USH2A: variants seen among roughly 807,000 people sequenced by gnomAD.
USH2A encodes Usher syndrome 2A (autosomal recessive, mild).
A neutral mutation model predicts 538.9 loss-of-function variants in USH2A; 443 were observed. That is an observed-to-expected ratio of 0.82 (90% CI 0.76 to 0.89). The LOEUF is 0.89. Ranked by LOEUF, USH2A falls within the 40% of genes least tolerant of loss-of-function variation. USH2A has a pLI of 0.00. For synonymous variants in USH2A, 2,413 were observed against 2,273.5 expected (o/e 1.06, Z -1.75); for missense variants, 6,633 against 6,324.8 (o/e 1.05, Z -1.65).
intron 43 of USH2A, among the ~76,000 whole-genome samples, chr1:215,869,067 AAT>A (rs1440522035): frequency 1.3e-5 from 2 of 152,236 alleles, no homozygotes; most frequent in African/African-American, 4.8e-5. Flanking sequence ...AAAAAATAAT[AAT>A]AGTTACTTAA....
At chr1:215,875,162 G>A (rs189027857) in intron 43 of USH2A, among the ~76,000 whole-genome samples, 9 of 152,216 alleles carry the variant, frequency 5.9e-5, no homozygotes, top group African/African-American at 9.6e-5. Flanking sequence ...TCTCATATTT[G>A]CAAGACACTC....
chr1:215,974,303 C>T (rs1045501983), intron 35 of USH2A, among the ~76,000 whole-genome samples: 11 of 151,970 alleles, frequency 7.2e-5, no homozygotes, highest in Admixed American at 5.9e-4. Context: ...TAAGAAGATG[C>T]TTTTTTCTTT....
At chr1:216,073,382 A>C in intron 27 of USH2A, 82 bp from the exon 28 acceptor site, 1 of 1,445,474 alleles carries the variant, frequency 6.9e-7, no homozygotes, top group South Asian at 1.2e-5. Flanking sequence ...GCAGCACTAC[A>C]TTTTGAGGAA....
Position 215,741,459 on chromosome 1 carries a change from T to C in USH2A, c.11627A>G (p.Lys3876Arg). 3 of 1,614,070 alleles carry C rather than the reference T, an allele frequency of 1.9e-6. No individual in the cohort carries two copies. The highest frequency in any genetic ancestry group is 2.5e-6 in the Non-Finnish European group (3 of 1,180,012). ...CTCTATGCAAGCTGACCCCAGTGCC[T>C]TAAGAACAGGAGAATTAAGATCCAT... is the stretch of plus-strand genomic sequence containing the variant. ...APMDLNSPVL[K>R]ALGSACIEIK... The change falls in exon 60 of 72, where the codon AAG becomes AGG. Residue 3876 changes from lysine to arginine, a missense_variant. Physicochemically the swap from Lys to Arg is conservative, Grantham distance 26. Transcript: ENST00000307340.
chr1:216,194,630 A>C (rs547405279), intron 19 of USH2A, among the ~76,000 whole-genome samples: 33 of 152,252 alleles, frequency 2.2e-4, no homozygotes, highest in Non-Finnish European at 3.4e-4. Context: ...ATATCAGTGA[A>C]GTTTTTAGGA....
intron 52 of USH2A, among the ~76,000 whole-genome samples, chr1:215,783,144 C>T (rs1311760377): frequency 6.6e-6 from 1 of 151,802 alleles, no homozygotes; most frequent in African/African-American, 2.4e-5. Flanking sequence ...CGGAATTGCA[C>T]AGAATAGAAT....
intron 58 of USH2A, 82 bp downstream of exon 58, chr1:215,758,497 TCTTTCTGATTTACTAA>T (rs1660878577): frequency 1.4e-6 from 2 of 1,447,382 alleles, no homozygotes; most frequent in Non-Finnish European, 9.5e-7. Context: ...ACCGACTATG[TCTTTCTGATTTACTAA>T]ATTAACAGTT....
At chr1:216,100,330 A>G (rs2032547550) in intron 21 of USH2A, among the ~76,000 whole-genome samples, 1 of 152,186 alleles carries the variant, frequency 6.6e-6, no homozygotes, top group Admixed American at 6.5e-5. Context: ...TTATCAGGGT[A>G]GACCAGGGAG....
intron 11 of USH2A, 142 bp downstream of exon 11, chr1:216,289,138 G>C (rs769548454): frequency 1.6e-6 from 2 of 1,273,180 alleles, no homozygotes; most frequent in Non-Finnish European, 2.2e-6. Context: ...AGTTGCACAC[G>C]AACAACCATC....
chr1:216,311,873 C>G (rs2037426293), intron 9 of USH2A, among the ~76,000 whole-genome samples: 2 of 152,094 alleles, frequency 1.3e-5, no homozygotes, highest in South Asian at 4.2e-4. Context: ...ATTCATTTCA[C>G]TTACACACAT....
chr1:216,043,207 T>C (rs2030364766), intron 32 of USH2A, among the ~76,000 whole-genome samples: 1 of 152,084 alleles, frequency 6.6e-6, no homozygotes, highest in African/African-American at 2.4e-5. Context: ...AATTAGTTCC[T>C]CTGATTACTG....
intron 32 of USH2A, among the ~76,000 whole-genome samples, chr1:216,011,807 A>C (rs376528568): frequency 6.6e-6 from 1 of 151,952 alleles, no homozygotes; most frequent in African/African-American, 2.4e-5. Context: ...CTCTTTGTTA[A>C]GTCCCACAAT....
At chr1:216,021,808 C>T (rs763848115) in intron 32 of USH2A, among the ~76,000 whole-genome samples, 5 of 152,152 alleles carry the variant, frequency 3.3e-5, no homozygotes, top group Non-Finnish European at 5.9e-5. Context: ...GTATATCTGG[C>T]AAATTGGGTG....
intron 21 of USH2A, among the ~76,000 whole-genome samples, chr1:216,127,088 T>C (rs2033270527): frequency 6.6e-6 from 1 of 152,236 alleles, no homozygotes; most frequent in Non-Finnish European, 1.5e-5. Flanking sequence ...CATTAAAATA[T>C]ATTTCAAATG....
intron 11 of USH2A, among the ~76,000 whole-genome samples, chr1:216,251,744 T>G (rs1262917897): frequency 6.6e-6 from 1 of 152,070 alleles, no homozygotes; most frequent in African/African-American, 2.4e-5. Flanking sequence ...CCAGCCCACC[T>G]CTCTATTTTA....
In USH2A at chr1:215,844,231, A is replaced by G. The variant is rs1663775338; in HGVS notation, c.9258+63T>C. 5 of 1,528,126 alleles carry G rather than the reference A, an allele frequency of 3.3e-6. No homozygotes were observed. The Admixed American group carries it at 8.5e-5, about 26-fold the overall frequency. 94.7% of individuals were successfully genotyped at this position (1,528,126 alleles called of 1,614,324 possible). ...AGACAGAAGATATCCACTTGAAGACATAGCCTGGCATGTTTTATTTAACAT... is the reference window on the plus strand; with the variant it reads ...AGACAGAAGATATCCACTTGAAGACGTAGCCTGGCATGTTTTATTTAACAT... On this transcript the variant is annotated intron_variant, in intron 46 of 71. Coordinates refer to ENST00000307340, the MANE Select transcript of USH2A (RefSeq NM_206933.4).
chr1:216,123,618 C>T (rs918727363), intron 21 of USH2A, among the ~76,000 whole-genome samples: 10 of 152,038 alleles, frequency 6.6e-5, no homozygotes, highest in African/African-American at 2.2e-4. Flanking sequence ...AAAACAGGAA[C>T]AGTTACTATG....
At chr1:215,874,361 A>G (rs1018557805) in intron 43 of USH2A, among the ~76,000 whole-genome samples, 4 of 152,244 alleles carry the variant, frequency 2.6e-5, no homozygotes, top group Non-Finnish European at 5.9e-5. Context: ...TAATGAGGCA[A>G]CTAGCTGTGC....
chr1:216,297,278 A>C (rs1300301045), intron 9 of USH2A, among the ~76,000 whole-genome samples: 4 of 151,998 alleles, frequency 2.6e-5, no homozygotes, highest in Non-Finnish European at 5.9e-5. Context: ...CTTGCCTACT[A>C]CTTTGATCGT....
Sources: gnomAD v4.1 joint callset for allele counts (sites outside exome capture counted in the v4.1 genomes callset) on GRCh38, gnomAD v4.1.1 for gene constraint, MANE v1.5 for transcripts, NCBI Gene and HGNC (gene_info 2026-07-23, HGNC 2026-07-21) for gene names.